The following FER variants were observed in gnomAD, a reference collection of about 807,000 sequenced individuals.
FER encodes the protein tyrosine-protein kinase Fer.
A neutral mutation model predicts 111.0 loss-of-function variants in FER; 63 were observed. The observed-to-expected ratio is 0.57, with a 90% CI of 0.46 to 0.70. The LOEUF (loss-of-function observed/expected upper bound fraction) is 0.70, where lower values mean the gene tolerates loss of function less well. FER is among the 30% of genes least tolerant of loss of function. The pLI, the probability that FER is intolerant of heterozygous loss-of-function variation, is 0.00. For missense variants in FER, 914 were observed against 954.0 expected, an observed-to-expected ratio of 0.96 and a Z score of 0.55; for synonymous variants, 327 against 313.9, an observed-to-expected ratio of 1.04 and a Z score of -0.44.
At chr5:108,823,300 A>G (rs1487285623) in intron 3 of FER, among the ~76,000 whole-genome samples, 1 of 152,274 alleles carries the variant, frequency 6.6e-6, no homozygotes, top group Non-Finnish European at 1.5e-5. Flanking sequence ...CTATGTAACC[A>G]GAAGAGGGCT....
intron 3 of FER, among the ~76,000 whole-genome samples, chr5:108,807,513 T>C (rs907315208): frequency 6.6e-6 from 1 of 152,236 alleles, no homozygotes; most frequent in Admixed American, 6.5e-5. Flanking sequence ...TTTCCGTCTT[T>C]TTCTTTGTTG....
At chr5:108,833,262 A>C (rs1324817908) in intron 4 of FER, among the ~76,000 whole-genome samples, 1 of 152,168 alleles carries the variant, frequency 6.6e-6, no homozygotes, top group African/African-American at 2.4e-5. Flanking sequence ...CTTATCTAAT[A>C]CTTTGCATAA....
At chr5:108,999,487 C>G (rs529220536) in intron 13 of FER, among the ~76,000 whole-genome samples, 1 of 152,164 alleles carries the variant, frequency 6.6e-6, no homozygotes, top group South Asian at 2.1e-4. Context: ...TTCACTGACA[C>G]AAACAGAACA....
intron 14 of FER, among the ~76,000 whole-genome samples, chr5:109,044,268 T>G (rs1771621434): frequency 6.6e-6 from 1 of 151,360 alleles, no homozygotes; most frequent in Non-Finnish European, 1.5e-5. Flanking sequence ...AAGCCCTGCC[T>G]CCCGGGTTCA....
chr5:109,125,731 T>C (rs1217336757), intron 17 of FER, among the ~76,000 whole-genome samples: 1 of 152,244 alleles, frequency 6.6e-6, no homozygotes, highest in Non-Finnish European at 1.5e-5. Context: ...TCTCTCTTCA[T>C]ATAGTCCTTC....
chr5:108,822,769 T>G (rs58882296), intron 3 of FER, among the ~76,000 whole-genome samples: 27,567 of 98,622 alleles, frequency 0.28, 4,914 homozygotes, highest in African/African-American at 0.58. Context: ...TTTTATTTAT[T>G]TTATTTTATG....
intron 1 of FER, among the ~76,000 whole-genome samples, chr5:108,759,719 A>G (rs1012845242): frequency 6.6e-6 from 1 of 152,226 alleles, no homozygotes; most frequent in Admixed American, 6.5e-5. Flanking sequence ...ATGGCAGAAG[A>G]GAAGAGAACA....
rs544254640 is a variant in FER, at chr5:108,945,387, C to T, written c.1237-743C>T. ...TTCCCTCTTTTTTTCTGCCCTCTTA[C>T]CTACCCCATTCACTTATGTTTATAA... is the stretch of plus-strand genomic sequence containing the variant. On this transcript the variant is annotated intron_variant, in intron 10 of 19. Coordinates refer to ENST00000281092, the MANE Select transcript of FER (RefSeq NM_005246.4). Among the ~76,000 whole-genome samples the T allele has an allele frequency of 1.1e-4, 16 of 152,036 alleles. No homozygotes were observed. In the South Asian group the frequency reaches 3.3e-3, roughly 32 times the overall value.
At chr5:109,161,333 T>C (rs915504263) in intron 17 of FER, among the ~76,000 whole-genome samples, 1 of 152,038 alleles carries the variant, frequency 6.6e-6, no homozygotes, top group African/African-American at 2.4e-5. Context: ...CATGGGGGTT[T>C]ATTGTACACA....
At chr5:109,124,735 A>G (rs999622093) in intron 17 of FER, among the ~76,000 whole-genome samples, 2 of 152,056 alleles carry the variant, frequency 1.3e-5, no homozygotes, top group Non-Finnish European at 2.9e-5. Flanking sequence ...AAGATTAGAA[A>G]CATAAACATT....
At chr5:108,835,066 A>G (rs1251702485) in intron 4 of FER, among the ~76,000 whole-genome samples, 3 of 151,648 alleles carry the variant, frequency 2.0e-5, no homozygotes, top group East Asian at 1.9e-4. Flanking sequence ...CATTTGTTTC[A>G]TTGTTCCACA....
rs1410079102 is a variant in FER, at chr5:108,819,900, GA to G, written c.208-12866del. Reference sequence around the variant, plus strand: ...AAAAAAGATAGATAAGGCAGTAGATGAAAAGGTTGATTGGGTTGGAGGAGGA... The same window carrying G: ...AAAAAAGATAGATAAGGCAGTAGATGAAAGGTTGATTGGGTTGGAGGAGGA... On this transcript the variant is annotated intron_variant, in intron 3 of 19. Coordinates refer to ENST00000281092, the MANE Select transcript of FER (RefSeq NM_005246.4). The G allele has an allele frequency of 3.0e-6, 3 of 985,224 alleles. No homozygotes were observed. In the Admixed American group the frequency reaches 1.8e-4, roughly 61 times the overall value. 61.0% of individuals were successfully genotyped at this position (985,224 alleles called of 1,614,324 possible). A position where few individuals can be genotyped will look rare whatever the true frequency, so the allele number is the denominator to read the frequency against.
chr5:109,183,800 G>A (rs1758555082), intron 18 of FER, among the ~76,000 whole-genome samples: 1 of 152,020 alleles, frequency 6.6e-6, no homozygotes, highest in Non-Finnish European at 1.5e-5. Context: ...AATTAAACCT[G>A]TTGTCACTGC....
At chr5:108,811,799 T>A (rs1430490554) in intron 3 of FER, among the ~76,000 whole-genome samples, 2 of 152,150 alleles carry the variant, frequency 1.3e-5, no homozygotes, top group African/African-American at 4.8e-5. Flanking sequence ...AACCTAGAGT[T>A]CTGATGCTCG....
chr5:108,939,303 G>A (rs1755937840), intron 10 of FER, among the ~76,000 whole-genome samples: 1 of 152,014 alleles, frequency 6.6e-6, no homozygotes. Context: ...TTAATATATT[G>A]TTTTGTTAGT....
chr5:109,125,326 C>G (rs957077727), intron 17 of FER, among the ~76,000 whole-genome samples: 1 of 151,898 alleles, frequency 6.6e-6, no homozygotes, highest in Non-Finnish European at 1.5e-5. Flanking sequence ...ATTCCATAAC[C>G]ATAAAATCAT....
intron 17 of FER, among the ~76,000 whole-genome samples, chr5:109,111,423 A>T (rs1223940674): frequency 6.6e-6 from 1 of 152,134 alleles, no homozygotes; most frequent in Non-Finnish European, 1.5e-5. Context: ...AAGATTATGT[A>T]CTCTAAAGCA....
chr5:109,140,170 ATTAT>A (rs566809024), intron 17 of FER, among the ~76,000 whole-genome samples: 15 of 152,328 alleles, frequency 9.8e-5, no homozygotes, highest in African/African-American at 2.9e-4. Context: ...TTAAAAATTG[ATTAT>A]TTGAGTGGCT....
At chr5:108,886,696 CAG>C (rs1747225464) in intron 9 of FER, among the ~76,000 whole-genome samples, 2 of 151,536 alleles carry the variant, frequency 1.3e-5, no homozygotes, top group South Asian at 4.1e-4. Context: ...AATAAGTTAG[CAG>C]GGGTAAGTAT....
Sources: allele counts gnomAD v4.1 joint callset (sites outside exome capture counted in the v4.1 genomes callset), GRCh38; gene constraint gnomAD v4.1.1; transcripts MANE v1.5; gene names NCBI Gene and HGNC (gene_info 2026-07-23, HGNC 2026-07-21).